The following PKD2 variants were observed in gnomAD, a reference collection of about 807,000 sequenced individuals.
The protein encoded by PKD2 is polycystin-2.
Under a neutral mutation model 105.9 loss-of-function variants are expected in PKD2, and 48 were observed. The ratio of observed to expected loss-of-function variants is 0.45; its 90% CI spans 0.36 to 0.58. The LOEUF (loss-of-function observed/expected upper bound fraction) is 0.58. Among genes scored for constraint, PKD2 ranks in the 20% least tolerant of loss-of-function variants. PKD2 has a pLI of 0.00. For missense variants in PKD2, 1,078 were observed against 1,255.3 expected (o/e 0.86, Z 2.13); for synonymous variants, 464 against 481.1 (o/e 0.96, Z 0.46).
At chr4:88,022,499 T>C (rs971313129) in intron 2 of PKD2, among the ~76,000 whole-genome samples, 3 of 152,230 alleles carry the variant, frequency 2.0e-5, no homozygotes, top group Non-Finnish European at 2.9e-5. Flanking sequence ...CCCCCATTCC[T>C]GTGATCTGTG....
chr4:88,062,084 C>T (rs1231324588), intron 10 of PKD2, 80 bp downstream of exon 10: 7 of 760,850 alleles, frequency 9.2e-6, no homozygotes, highest in South Asian at 8.7e-5. Context: ...TTCAAATCAA[C>T]ATTGATCCAT....
intron 8 of PKD2, among the ~76,000 whole-genome samples, chr4:88,057,038 G>T (rs951808126): frequency 1.3e-5 from 2 of 151,900 alleles, no homozygotes; most frequent in African/African-American, 2.4e-5. Flanking sequence ...TGCCCAGGCT[G>T]GAGTGCAGTG....
At chr4:88,048,749 C>T (rs1056420118) in intron 6 of PKD2, among the ~76,000 whole-genome samples, 4 of 152,144 alleles carry the variant, frequency 2.6e-5, no homozygotes, top group Non-Finnish European at 5.9e-5. Flanking sequence ...CAACATCACA[C>T]AAATCAAGGT....
chr4:88,023,048 T>C (rs1726817949), intron 2 of PKD2, among the ~76,000 whole-genome samples: 1 of 151,698 alleles, frequency 6.6e-6, no homozygotes, highest in Non-Finnish European at 1.5e-5. Context: ...AACACTGCAC[T>C]CCATCCAGCC....
At position 88,044,309 on chromosome 4, in the gene PKD2, G is replaced by T. The variant is rs532609440; in HGVS notation, c.1319+852G>T. Among the ~76,000 whole-genome samples the T allele has an allele frequency of 1.4e-4, 22 of 152,092 alleles. No individual in the cohort carries two copies. The South Asian group carries it at 4.6e-3, about 32-fold the overall frequency. The stretch of plus-strand genomic sequence containing the variant: ...GAGTTCACCCACTTTAATCTTCCTG[G>T]TGAGCATGTCAGCAACACCCAAACA... On this transcript the variant is annotated intron_variant, in intron 5 of 14. Transcript: ENST00000237596.
chr4:88,022,174 G>A lies in PKD2; in HGVS notation c.709+2603G>A, dbSNP rs1166371416. ...TGTGAGCTAGCCTGGGACCATAGTGGAGGACTCCTCTTTCAACCCTGTTAA... is the reference window on the plus strand; with the variant it reads ...TGTGAGCTAGCCTGGGACCATAGTGAAGGACTCCTCTTTCAACCCTGTTAA... On this transcript the variant is annotated intron_variant, in intron 2 of 14. Coordinates refer to ENST00000237596, the MANE Select transcript of PKD2 (RefSeq NM_000297.4). Among the ~76,000 whole-genome samples, 8 of 152,284 alleles carry A rather than the reference G, an allele frequency of 5.3e-5. 2 individuals are homozygous for A. In the South Asian group the frequency reaches 1.7e-3, roughly 32 times the overall value.
In PKD2 at chr4:88,018,616, C is replaced by T. The variant is rs560821188; in HGVS notation, c.596-842C>T. Among the ~76,000 whole-genome samples the T allele has an allele frequency of 3.9e-5, 6 of 152,308 alleles. No individual in the cohort carries two copies. In the East Asian group the frequency reaches 9.6e-4, roughly 24 times the overall value. On this transcript the variant is annotated intron_variant, in intron 1 of 14. Coordinates refer to ENST00000237596, the MANE Select transcript of PKD2 (RefSeq NM_000297.4). ...TTTACCACACTGTTCATTAACGGGG[C>T]TTTGGATGGCCACCATGTCTGCTGC...
intron 2 of PKD2, among the ~76,000 whole-genome samples, chr4:88,022,055 C>T (rs1560599432): frequency 6.6e-6 from 1 of 152,184 alleles, no homozygotes; most frequent in Admixed American, 6.5e-5. Context: ...CTTGTGCAAC[C>T]TACCATGGCC....
chr4:88,023,220 C>T (rs1211803985), intron 2 of PKD2, among the ~76,000 whole-genome samples: 1 of 152,148 alleles, frequency 6.6e-6, no homozygotes, highest in Non-Finnish European at 1.5e-5. Flanking sequence ...TCTGGGGAGG[C>T]CTCAGGAAGC....
chr4:88,009,578 A>G (rs1726316960), intron 1 of PKD2, among the ~76,000 whole-genome samples: 1 of 152,098 alleles, frequency 6.6e-6, no homozygotes, highest in Non-Finnish European at 1.5e-5. Context: ...AATGTGCAGC[A>G]TGTATTTGTC....
intron 6 of PKD2, among the ~76,000 whole-genome samples, chr4:88,048,064 G>A (rs1022435795): frequency 7.9e-5 from 12 of 152,026 alleles, no homozygotes; most frequent in African/African-American, 1.9e-4. Context: ...GTAACATTTC[G>A]CTAAGTCCAG....
chr4:88,068,490 A>G (rs992200842), intron 13 of PKD2, among the ~76,000 whole-genome samples: 1 of 151,986 alleles, frequency 6.6e-6, no homozygotes, highest in Non-Finnish European at 1.5e-5. Flanking sequence ...AAACTTGTCA[A>G]TTGGTGTTTT....
chr4:88,075,163 A>G (rs185838536), intron 14 of PKD2, among the ~76,000 whole-genome samples: 5 of 152,362 alleles, frequency 3.3e-5, no homozygotes, highest in African/African-American at 9.6e-5. Context: ...ATCTCTTGCT[A>G]TAAAACATCA....
chr4:88,049,836 A>G (rs1203885539), intron 6 of PKD2, among the ~76,000 whole-genome samples: 1 of 152,132 alleles, frequency 6.6e-6, no homozygotes, highest in Non-Finnish European at 1.5e-5. Flanking sequence ...TGAAGTACAC[A>G]GGCTGCATCA....
intron 10 of PKD2, among the ~76,000 whole-genome samples, chr4:88,062,690 A>G (rs1331345133): frequency 2.0e-4 from 31 of 152,182 alleles, no homozygotes; most frequent in Non-Finnish European, 4.4e-5. Flanking sequence ...TTTGTTTCCC[A>G]ACATCATTTT....
rs896247477 is a variant in PKD2 at position 88,060,676 on chromosome 4, T to TG, written c.2020-1223dup. Among the ~76,000 whole-genome samples, 15 of 151,526 alleles carry TG rather than the reference T, an allele frequency of 9.9e-5. No individual in the cohort carries two copies. In the East Asian group the frequency reaches 1.9e-3, roughly 20 times the overall value. On this transcript the variant is annotated intron_variant, in intron 9 of 14. Transcript: ENST00000237596. ...AAAAACAAAGTAAAAAAAAAGTTGG[T>TG]GGGGGGGAACCTGATCTCCTGGATA...
chr4:88,048,561 G>A (rs1271114604), intron 6 of PKD2, among the ~76,000 whole-genome samples: 1 of 152,146 alleles, frequency 6.6e-6, no homozygotes, highest in East Asian at 1.9e-4. Context: ...TCATGGTACA[G>A]AAGCTCATTT....
chr4:88,038,573 A>C, intron 4 of PKD2, 72 bp downstream of exon 4: 2 of 1,496,596 alleles, frequency 1.3e-6, no homozygotes, highest in Admixed American at 3.3e-5. Flanking sequence ...CCATTCATTC[A>C]TTCATTCCCT....
At chr4:88,014,540 T>G (rs1486783019) in intron 1 of PKD2, among the ~76,000 whole-genome samples, 1 of 151,592 alleles carries the variant, frequency 6.6e-6, no homozygotes, top group Non-Finnish European at 1.5e-5. Context: ...AGGTAGCAAC[T>G]GTCTATTCTA....
Sources: allele counts gnomAD v4.1 joint callset (sites outside exome capture counted in the v4.1 genomes callset), GRCh38; gene constraint gnomAD v4.1.1; transcripts MANE v1.5; gene names NCBI Gene and HGNC (gene_info 2026-07-23, HGNC 2026-07-21).